The following DLGAP1 variants were observed in gnomAD, a reference collection of about 807,000 sequenced individuals.
DLGAP1 encodes DLG associated protein 1.
DLGAP1 carries 11 observed loss-of-function variants against 90.8 expected under a neutral mutation model. The observed-to-expected ratio is 0.12, with a 90% CI of 0.08 to 0.20. The LOEUF is 0.20. Among genes scored for constraint, DLGAP1 ranks in the 10% least tolerant of loss-of-function variants. The pLI is 1.00. For synonymous variants in DLGAP1, 558 were observed against 540.7 expected, an observed-to-expected ratio of 1.03 and a Z score of -0.44; for missense variants, 1,050 against 1,333.8, an observed-to-expected ratio of 0.79 and a Z score of 3.31.
chr18:4,352,906 G>T (rs189991780), intron 1 of DLGAP1, among the ~76,000 whole-genome samples: 1 of 152,148 alleles, frequency 6.6e-6, no homozygotes. Context: ...CACTGAGCAC[G>T]TTTAAGCACT....
intron 8 of DLGAP1, among the ~76,000 whole-genome samples, chr18:3,568,743 G>A (rs1442656460): frequency 6.6e-6 from 1 of 152,054 alleles, no homozygotes; most frequent in Non-Finnish European, 1.5e-5. Context: ...CTGGAGTGCA[G>A]TGGCACGATC....
chr18:3,975,066 G>A (rs979115231), intron 3 of DLGAP1, among the ~76,000 whole-genome samples: 9 of 152,250 alleles, frequency 5.9e-5, no homozygotes, highest in Non-Finnish European at 1.2e-4. Context: ...AATGGGTACA[G>A]AGTTTCAGTT....
chr18:3,979,753 A>G (rs1303655865), intron 3 of DLGAP1, among the ~76,000 whole-genome samples: 1 of 152,242 alleles, frequency 6.6e-6, no homozygotes, highest in Non-Finnish European at 1.5e-5. Flanking sequence ...TATGTTAATT[A>G]GCTTGACTGA....
intron 9 of DLGAP1, among the ~76,000 whole-genome samples, chr18:3,567,038 T>G (rs1376920296): frequency 7.0e-6 from 1 of 142,820 alleles, no homozygotes; most frequent in Non-Finnish European, 1.5e-5. Flanking sequence ...GGGAATATCT[T>G]CTTTTTCATT....
intron 4 of DLGAP1, chr18:3,874,410 G>A: frequency 2.8e-6 from 4 of 1,441,226 alleles, no homozygotes; most frequent in Non-Finnish European, 3.6e-6. Context: ...TTTTCTTTTA[G>A]GTTAACAGTT....
At chr18:3,869,327 C>T (rs542515023) in intron 4 of DLGAP1, among the ~76,000 whole-genome samples, 1 of 152,110 alleles carries the variant, frequency 6.6e-6, no homozygotes, top group African/African-American at 2.4e-5. Context: ...TTCGGGAGGC[C>T]GAGGTGGGAA....
intron 7 of DLGAP1, chr18:3,721,432 G>A (rs1254323687): frequency 2.0e-5 from 3 of 152,100 alleles, no homozygotes; most frequent in Non-Finnish European, 2.9e-5. Context: ...ATGTGAAAAC[G>A]ACTAAGTGTA....
chr18:3,903,448 C>T (rs2071828741), intron 3 of DLGAP1, among the ~76,000 whole-genome samples: 1 of 152,186 alleles, frequency 6.6e-6, no homozygotes, highest in Admixed American at 6.5e-5. Context: ...GATAACATTA[C>T]AAGCATAATG....
At chr18:4,308,681 G>A (rs1490254033) in intron 1 of DLGAP1, among the ~76,000 whole-genome samples, 1 of 152,188 alleles carries the variant, frequency 6.6e-6, no homozygotes, top group African/African-American at 2.4e-5. Flanking sequence ...GGTACAAATA[G>A]TAGTAGGTCT....
At chr18:3,523,656 G>A (rs974523255) in intron 10 of DLGAP1, among the ~76,000 whole-genome samples, 2 of 151,846 alleles carry the variant, frequency 1.3e-5, no homozygotes, top group African/African-American at 2.4e-5. Flanking sequence ...GACCATCCTG[G>A]CTAACACGGT....
At chr18:4,442,850 G>A (rs1036768979) in intron 1 of DLGAP1, among the ~76,000 whole-genome samples, 1 of 152,152 alleles carries the variant, frequency 6.6e-6, no homozygotes, top group Non-Finnish European at 1.5e-5. Context: ...CGACTGGGAC[G>A]TATGCTCCAT....
At chr18:3,510,233 C>G (rs72856869) in intron 10 of DLGAP1, among the ~76,000 whole-genome samples, 24,935 of 152,188 alleles carry the variant, frequency 0.16, 2,199 homozygotes, top group Middle Eastern at 0.27. Flanking sequence ...CTCTACTTTC[C>G]CATCCGTAAA....
intron 4 of DLGAP1, among the ~76,000 whole-genome samples, chr18:3,840,677 C>G (rs2068663594): frequency 6.6e-6 from 1 of 152,324 alleles, no homozygotes; most frequent in Non-Finnish European, 1.5e-5. Flanking sequence ...ACTACGACCA[C>G]CCACACTAAC....
At chr18:3,813,986 A>T in intron 5 of DLGAP1, 73 bp downstream of exon 5, 1 of 1,470,786 alleles carries the variant, frequency 6.8e-7, no homozygotes. Context: ...TTACTCTAGG[A>T]GACACACCAT....
At chr18:3,523,449 C>T (rs1206064636) in intron 10 of DLGAP1, among the ~76,000 whole-genome samples, 3 of 151,554 alleles carry the variant, frequency 2.0e-5, no homozygotes, top group Non-Finnish European at 4.4e-5. Context: ...ATTTGCAAAC[C>T]ACATAACCAA....
intron 10 of DLGAP1, among the ~76,000 whole-genome samples, chr18:3,529,339 G>T (rs973856843): frequency 6.6e-6 from 1 of 152,104 alleles, no homozygotes; most frequent in African/African-American, 2.4e-5. Context: ...CACCAAACCT[G>T]CCAGTATCTT....
intron 1 of DLGAP1, among the ~76,000 whole-genome samples, chr18:4,210,020 A>T (rs552657935): frequency 6.6e-6 from 1 of 152,290 alleles, no homozygotes; most frequent in African/African-American, 2.4e-5. Context: ...ATTCAGCTTA[A>T]ATTATCTTTA....
intron 1 of DLGAP1, among the ~76,000 whole-genome samples, chr18:4,191,281 T>C (rs548969860): frequency 9.2e-5 from 14 of 152,288 alleles, no homozygotes; most frequent in African/African-American, 3.4e-4. Context: ...ATAAGCATAT[T>C]TCTAAATGTT....
chr18:4,133,215 G>A (rs1221935386), intron 2 of DLGAP1, among the ~76,000 whole-genome samples: 2 of 152,142 alleles, frequency 1.3e-5, no homozygotes, highest in Non-Finnish European at 2.9e-5. Context: ...GAGAAATCCA[G>A]TAAGAACATG....
Sources: allele counts gnomAD v4.1 joint callset (sites outside exome capture counted in the v4.1 genomes callset), GRCh38; gene constraint gnomAD v4.1.1; transcripts MANE v1.5; gene names NCBI Gene and HGNC (gene_info 2026-07-23, HGNC 2026-07-21).